Variants in C12orf42 observed in about 807,000 individuals in gnomAD.
C12orf42 encodes uncharacterized protein C12orf42.
C12orf42 carries 25 observed loss-of-function variants against 21.6 expected under a neutral mutation model. The observed-to-expected ratio is 1.16, with a 90% CI of 0.84 to 1.62. C12orf42 has a LOEUF of 1.62. Among genes scored for constraint, C12orf42 ranks in the 40% most tolerant of loss-of-function variants. The pLI, the probability that C12orf42 is intolerant of heterozygous loss-of-function variation, is 0.00. For missense variants in C12orf42, 483 were observed against 459.3 expected (o/e 1.05, Z -0.47); for synonymous variants, 174 against 175.0 (o/e 0.99, Z 0.05).
At chr12:103,238,529 C>G (rs185985318) in intron 10 of C12orf42, among the ~76,000 whole-genome samples, 72 of 152,316 alleles carry the variant, frequency 4.7e-4, no homozygotes, top group African/African-American at 1.5e-3. Context: ...AGCAGCTACA[C>G]TGCTTGGATA....
chr12:103,082,855 C>G, the C12orf42 span, among the ~76,000 whole-genome samples: 2 of 152,192 alleles, frequency 1.3e-5, no homozygotes, highest in African/African-American at 4.8e-5. Context: ...ATAGTACAAA[C>G]AAGCTAGTTT....
the C12orf42 span, among the ~76,000 whole-genome samples, chr12:103,181,896 G>A: frequency 0.011 from 1,647 of 152,260 alleles, 26 homozygotes; most frequent in African/African-American, 0.037. Context: ...GGGAAATGCC[G>A]TAAGCTTATA....
chr12:103,124,997 T>C, the C12orf42 span, among the ~76,000 whole-genome samples: 2 of 152,172 alleles, frequency 1.3e-5, no homozygotes, highest in Admixed American at 1.3e-4. Context: ...TTAACAGATA[T>C]AGACTGATAT....
chr12:103,444,260 A>G (rs917080794), intron 2 of C12orf42, among the ~76,000 whole-genome samples: 5 of 151,996 alleles, frequency 3.3e-5, no homozygotes, highest in Admixed American at 2.0e-4. Context: ...AAAGGTCTAC[A>G]TTTTTCCCTG....
intron 10 of C12orf42, among the ~76,000 whole-genome samples, chr12:103,260,427 C>A (rs1381765294): frequency 6.6e-6 from 1 of 152,126 alleles, no homozygotes; most frequent in East Asian, 1.9e-4. Flanking sequence ...CAAGATACAC[C>A]AAGCTTTGTA....
the C12orf42 span, among the ~76,000 whole-genome samples, chr12:103,198,872 C>T: frequency 1.3e-5 from 2 of 152,198 alleles, no homozygotes; most frequent in African/African-American, 4.8e-5. Flanking sequence ...TCAGAATGTG[C>T]CAGTCTTCTT....
the C12orf42 span, among the ~76,000 whole-genome samples, chr12:103,171,066 C>A: frequency 6.6e-6 from 1 of 152,002 alleles, no homozygotes; most frequent in Admixed American, 6.6e-5. Context: ...ATACCAAGTC[C>A]CTTCTTTCCT....
chr12:103,322,311 C>T (rs1593428982), intron 4 of C12orf42, among the ~76,000 whole-genome samples: 4 of 152,196 alleles, frequency 2.6e-5, no homozygotes, highest in Admixed American at 2.6e-4. Context: ...AAGGTTTGTG[C>T]AACTTGCACT....
intron 10 of C12orf42, among the ~76,000 whole-genome samples, chr12:103,255,091 G>A (rs549751573): frequency 6.6e-6 from 1 of 152,126 alleles, no homozygotes; most frequent in East Asian, 1.9e-4. Context: ...AGAATATGTG[G>A]GCCGGGCATG....
the C12orf42 span, among the ~76,000 whole-genome samples, chr12:103,054,258 G>T: frequency 4.6e-5 from 7 of 151,556 alleles, no homozygotes; most frequent in Non-Finnish European, 1.0e-4. Context: ...TGATTTCTTT[G>T]GTCAGCATCT....
intron 4 of C12orf42, among the ~76,000 whole-genome samples, chr12:103,359,115 T>C (rs1017331694): frequency 6.6e-6 from 1 of 152,070 alleles, no homozygotes; most frequent in African/African-American, 2.4e-5. Flanking sequence ...TTCCTCAGAG[T>C]TCTTCCCTGA....
At chr12:103,558,621 T>A in the C12orf42 span, 5 of 152,222 alleles carry the variant, frequency 3.3e-5, no homozygotes, top group African/African-American at 4.8e-5. Context: ...ATTTCCTTCA[T>A]AGAATCTACA....
intron 4 of C12orf42, among the ~76,000 whole-genome samples, chr12:103,359,011 A>G (rs1265884651): frequency 6.6e-6 from 1 of 151,990 alleles, no homozygotes; most frequent in East Asian, 1.9e-4. Context: ...ATCTCAAATC[A>G]CGCTACTCTT....
chr12:103,069,772 C>A, the C12orf42 span, among the ~76,000 whole-genome samples: 1 of 152,084 alleles, frequency 6.6e-6, no homozygotes, highest in Non-Finnish European at 1.5e-5. Context: ...GCATACCAGG[C>A]AAATTAGCAT....
chr12:103,494,599 A>AAAAAACACCTGC (rs1360113839), intron 1 of C12orf42, among the ~76,000 whole-genome samples: 2 of 151,600 alleles, frequency 1.3e-5, no homozygotes, highest in Admixed American at 6.6e-5. Flanking sequence ...TAATGGTTTC[A>AAAAAACACCTGC]AAAAACACCT....
the C12orf42 span, among the ~76,000 whole-genome samples, chr12:103,214,727 A>T: frequency 6.6e-6 from 1 of 152,170 alleles, no homozygotes; most frequent in African/African-American, 2.4e-5. Flanking sequence ...GTCCACTGAA[A>T]ATCCCAAGAG....
chr12:103,414,686 C>T (rs2374055), intron 2 of C12orf42, among the ~76,000 whole-genome samples: 92,139 of 151,752 alleles, frequency 0.61, 29,384 homozygotes, highest in Admixed American at 0.72. Flanking sequence ...CTTGATTTCA[C>T]ACTCATCCTA....
the C12orf42 span, among the ~76,000 whole-genome samples, chr12:103,512,084 T>G: frequency 6.6e-6 from 1 of 152,216 alleles, no homozygotes; most frequent in African/African-American, 2.4e-5. Context: ...ATATTTTTAT[T>G]CCTATCACTG....
intron 10 of C12orf42, among the ~76,000 whole-genome samples, chr12:103,257,152 G>A (rs1198840934): frequency 6.6e-6 from 1 of 152,138 alleles, no homozygotes; most frequent in Non-Finnish European, 1.5e-5. Context: ...ACTACATGAT[G>A]AGAACACATG....
Sources: allele counts gnomAD v4.1 joint callset (sites outside exome capture counted in the v4.1 genomes callset), GRCh38; gene constraint gnomAD v4.1.1; transcripts MANE v1.5; gene names NCBI Gene and HGNC (gene_info 2026-07-23, HGNC 2026-07-21).